Variants in CCKBR observed in about 807,000 individuals in gnomAD.
The protein encoded by CCKBR is gastrin/cholecystokinin type B receptor.
A neutral mutation model predicts 34.6 loss-of-function variants in CCKBR; 33 were observed. That is an observed-to-expected ratio of 0.95 (90% CI 0.72 to 1.27). CCKBR has a LOEUF of 1.27. Among genes scored for constraint, CCKBR ranks in the 50% most tolerant of loss-of-function variants. The pLI is 0.00. For missense variants in CCKBR, 652 were observed against 617.4 expected (o/e 1.06, Z -0.59); for synonymous variants, 269 against 267.5 (o/e 1.01, Z -0.06).
intron 1 of CCKBR, among the ~76,000 whole-genome samples, chr11:6,269,194 A>G (rs1389934556): frequency 6.7e-6 from 1 of 150,328 alleles, no homozygotes. Context: ...GAGAATAAAG[A>G]CATGATCTGA....
Position 6,262,686 on chromosome 11 carries a change from AAGAGAGAGAGAGAGAG to A in CCKBR, c.151+2631_151+2646del, listed in dbSNP as rs57265861. ...TTTCAAGAAGTCTGGTAGGCAAAGA[AAGAGAGAGAGAGAGAG>A]AGAGAGAGAGAGAGAGAGAGAGAAA... On this transcript the variant is annotated intron_variant, in intron 1 of 4. Transcript: ENST00000334619. Among the ~76,000 whole-genome samples, 250 of 119,300 alleles carry A rather than the reference AAGAGAGAGAGAGAGAG, an allele frequency of 2.1e-3. 3 individuals carry two copies. Among genetic ancestry groups the A allele is most frequent in the African/African-American group, 7.4e-3 (239 of 32,294 alleles). 78.3% of individuals were successfully genotyped at this position (119,300 alleles called of 152,430 possible).
rs201338739 is a variant in CCKBR at position 6,271,362 on chromosome 11, T to C, written c.1163T>C (p.Leu388Pro). 4 of 1,614,192 alleles carry C rather than the reference T, an allele frequency of 2.5e-6. No homozygotes were observed. Among genetic ancestry groups the C allele is most frequent in the Non-Finnish European group, 2.5e-6 (3 of 1,180,028 alleles). Reference protein sequence around the residue: ...LSYASACVNPLVYCFMHRRFR... With the variant: ...LSYASACVNPPVYCFMHRRFR... ...TACGCCTCGGCCTGTGTCAACCCCC[T>C]GGTCTACTGCTTCATGCACCGTCGC... Residue 388 changes from leucine to proline, a missense_variant, in exon 5 of 5, where the codon CTG becomes CCG. Coordinates refer to ENST00000334619, the MANE Select transcript of CCKBR (RefSeq NM_176875.4).
intron 4 of CCKBR, 58 bp downstream of exon 4, chr11:6,270,861 G>C (rs761899156): frequency 1.2e-6 from 2 of 1,613,032 alleles, no homozygotes; most frequent in Admixed American, 3.3e-5. Flanking sequence ...AGGGCGACGG[G>C]GCCTGCTGGA....
chr11:6,266,519 C>CAAAA (rs371885240), intron 1 of CCKBR, among the ~76,000 whole-genome samples: 216 of 151,792 alleles, frequency 1.4e-3, no homozygotes, highest in African/African-American at 5.1e-3. Flanking sequence ...AACAAACAAA[C>CAAAA]AAAAAACATG....
chr11:6,271,601 G>A lies in CCKBR; in HGVS notation c.*58G>A, dbSNP rs1387215228. ...CAAATGACATGCACTGACCCTTCCA[G>A]ACATACGAAACACAAACCACAACTG... is the stretch of plus-strand genomic sequence containing the variant. On this transcript the variant is annotated 3_prime_UTR_variant, in exon 5 of 5. Coordinates refer to ENST00000334619, the MANE Select transcript of CCKBR (RefSeq NM_176875.4). 6.8e-7 allele frequency: 1 copy of A among 1,470,834 alleles called. No homozygotes were observed. The highest frequency in any genetic ancestry group is 1.4e-5 in the African/African-American group (1 of 71,052). The allele number at this position is 1,470,834 out of a possible 1,614,324, so 91.1% of individuals were successfully genotyped here. A position where few individuals can be genotyped will look rare whatever the true frequency, so the allele number is the denominator to read the frequency against.
chr11:6,263,672 A>G (rs565907597), intron 1 of CCKBR, among the ~76,000 whole-genome samples: 340 of 151,856 alleles, frequency 2.2e-3, no homozygotes, highest in Middle Eastern at 0.01. Context: ...GGGTTTTTCC[A>G]TGTTGCCCAG....
rs1364385623 is a variant in CCKBR at position 6,264,430 on chromosome 11, CGTT to C, written c.151+4354_151+4356del. On this transcript the variant is annotated intron_variant, in intron 1 of 4. Coordinates refer to ENST00000334619, the MANE Select transcript of CCKBR (RefSeq NM_176875.4). ...AAGTCTTGGTTTTCATTTTATGTCA[CGTT>C]GTCTGGATTTTTGCACTCATACTTC... 9.7e-6 allele frequency: 6 copies of C among 617,144 alleles called. No individual in the cohort carries two copies. In the Admixed American group the frequency reaches 1.7e-4, roughly 17 times the overall value. The allele number at this position is 617,144 out of a possible 1,614,324, so 38.2% of individuals were successfully genotyped here.
At chr11:6,268,090 C>T (rs769790025) in intron 1 of CCKBR, among the ~76,000 whole-genome samples, 9 of 152,210 alleles carry the variant, frequency 5.9e-5, no homozygotes, top group African/African-American at 1.4e-4. Context: ...GTGATCCTCC[C>T]GCCTTGGCCT....
chr11:6,260,056 G>C lies in CCKBR; in HGVS notation c.128G>C (p.Arg43Pro). The change falls in exon 1 of 5, where the codon CGC becomes CCC. Residue 43 changes from arginine (R) to proline (P), a missense_variant. Arg to Pro is a moderately radical substitution (Grantham distance 103, BLOSUM62 -2). Transcript: ENST00000334619. Reference protein sequence around the residue: ...SVGNLSCEPPRIRGAGTRELE... With the variant: ...SVGNLSCEPPPIRGAGTRELE... ...GGCAACCTCAGCTGCGAGCCCCCTCGCATTCGCGGAGCCGGGACACGAGGT... is the reference window on the plus strand; with the variant it reads ...GGCAACCTCAGCTGCGAGCCCCCTCCCATTCGCGGAGCCGGGACACGAGGT... 1 of 1,593,912 alleles carries C rather than the reference G, an allele frequency of 6.3e-7. No homozygotes were observed. The highest frequency in any genetic ancestry group is 8.5e-7 in the Non-Finnish European group (1 of 1,172,756).
intron 1 of CCKBR, among the ~76,000 whole-genome samples, chr11:6,261,425 T>C (rs1408940804): frequency 2.3e-4 from 24 of 106,386 alleles, no homozygotes; most frequent in Non-Finnish European, 3.6e-4. Flanking sequence ...GCTCTAAGCT[T>C]CCTGTTGGCA....
intron 1 of CCKBR, among the ~76,000 whole-genome samples, chr11:6,265,800 G>T (rs528821127): frequency 1.3e-5 from 2 of 152,132 alleles, no homozygotes; most frequent in African/African-American, 2.4e-5. Flanking sequence ...CAAAAGTTAT[G>T]CATCTGAAAT....
intron 4 of CCKBR, 51 bp downstream of exon 4, chr11:6,270,854 G>A (rs1489892153): frequency 1.2e-6 from 2 of 1,613,258 alleles, no homozygotes; most frequent in Non-Finnish European, 1.7e-6. Flanking sequence ...GCTTTGGAGG[G>A]CGACGGGGCC....
Position 6,259,944 on chromosome 11 carries a change from C to T in CCKBR, c.16C>T (p.Leu6=). The T allele has an allele frequency of 6.7e-7, 1 of 1,492,080 alleles. No individual in the cohort carries two copies. The highest frequency in any genetic ancestry group is 1.3e-5 in the South Asian group (1 of 76,844). The allele number at this position is 1,492,080 out of a possible 1,614,324, so 92.4% of individuals were successfully genotyped here. A position where few individuals can be genotyped will look rare whatever the true frequency, so the allele number is the denominator to read the frequency against. ...GGCGGGGGCCATGGAGCTGCTAAAG[C>T]TGAACCGGAGCGTGCAGGGAACCGG... is the stretch of plus-strand genomic sequence containing the variant. MELLK[L]NRSVQGTGPG... Residue 6 remains leucine (L), a synonymous_variant, in exon 1 of 5, where the codon CTG becomes TTG. Transcript: ENST00000334619.
At position 6,271,028 on chromosome 11, in the gene CCKBR, G is replaced by A; in HGVS notation, c.829G>A (p.Gly277Arg). 3 of 1,614,184 alleles carry A rather than the reference G, an allele frequency of 1.9e-6. No individual in the cohort carries two copies. The highest frequency in any genetic ancestry group is 2.5e-6 in the Non-Finnish European group (3 of 1,180,044). The change falls in exon 5 of 5, where the codon GGG becomes AGG. Residue 277 changes from glycine to arginine, a missense_variant. Coordinates refer to ENST00000334619, the MANE Select transcript of CCKBR (RefSeq NM_176875.4). ...GGLPGAVHQN[G>R]RCRPETGAVG... ...GTGCTCAGGGGCTGTTCACCAGAACGGGCGTTGCCGGCCTGAGACTGGCGC... is the reference window on the plus strand; with the variant it reads ...GTGCTCAGGGGCTGTTCACCAGAACAGGCGTTGCCGGCCTGAGACTGGCGC...
chr11:6,264,051 C>T (rs535154724), intron 1 of CCKBR, among the ~76,000 whole-genome samples: 5 of 152,318 alleles, frequency 3.3e-5, no homozygotes, highest in East Asian at 3.9e-4. Context: ...CATATTCAAT[C>T]GGATATTACC....
chr11:6,270,812 G>A lies in CCKBR; in HGVS notation c.811+9G>A, dbSNP rs755475097. On this transcript the variant is annotated intron_variant, in intron 4 of 4. Coordinates refer to ENST00000334619, the MANE Select transcript of CCKBR (RefSeq NM_176875.4). ...CCAAGGCGGGCTGCCAGGTGGGGCT[G>A]GACCACGTGAGCAAAATCTGGGCGA... 2 of 1,613,928 alleles carry A rather than the reference G, an allele frequency of 1.2e-6. No homozygotes were observed. Among genetic ancestry groups the A allele is most frequent in the Non-Finnish European group, 1.7e-6 (2 of 1,179,968 alleles).
chr11:6,261,323 T>TAG (rs1848125119), intron 1 of CCKBR, among the ~76,000 whole-genome samples: 2 of 149,222 alleles, frequency 1.3e-5, no homozygotes, highest in Admixed American at 6.7e-5. Context: ...GGAACACAAG[T>TAG]GGAACACCTC....
At position 6,260,045 on chromosome 11, in the gene CCKBR, C is replaced by T. The variant is rs769224527; in HGVS notation, c.117C>T (p.Cys39=). ...GCAGCAGTGTGGGCAACCTCAGCTG[C>T]GAGCCCCCTCGCATTCGCGGAGCCG... ...LNSSSVGNLS[C]EPPRIRGAGT... The change falls in exon 1 of 5, where the codon TGC becomes TGT. Residue 39 remains cysteine, a synonymous_variant. Transcript: ENST00000334619. 1.9e-6 allele frequency: 3 copies of T among 1,595,762 alleles called. No individual in the cohort carries two copies. The highest frequency in any genetic ancestry group is 3.4e-5 in the Admixed American group (2 of 58,448).
rs1848273015 is a variant in CCKBR at position 6,270,147 on chromosome 11, G to A, written c.463G>A (p.Ala155Thr). Residue 155 changes from alanine to threonine, a missense_variant, in exon 3 of 5, where the codon GCC becomes ACC. Physicochemically the swap from Ala to Thr is moderately conservative, Grantham distance 58 (BLOSUM62 0). Transcript: ENST00000334619. Reference sequence around the variant, plus strand: ...GGCCATCGCACTGGAGCGGTACAGCGCCATCTGCCGACCACTGCAGGCACG... The same window carrying A: ...GGCCATCGCACTGGAGCGGTACAGCACCATCTGCCGACCACTGCAGGCACG... ...LVAIALERYS[A>T]ICRPLQARVW... is the part of the protein sequence containing the mutation. 1 of 1,613,752 alleles carries A rather than the reference G, an allele frequency of 6.2e-7. No homozygotes were observed. The highest frequency in any genetic ancestry group is 1.3e-5 in the African/African-American group (1 of 74,934).
Sources: allele counts gnomAD v4.1 joint callset (sites outside exome capture counted in the v4.1 genomes callset), GRCh38; gene constraint gnomAD v4.1.1; transcripts MANE v1.5; gene names NCBI Gene and HGNC (gene_info 2026-07-23, HGNC 2026-07-21).